The following LIN7A variants were observed in gnomAD, a reference collection of about 807,000 sequenced individuals.
The protein encoded by LIN7A is lin-7 cell polarity scaffold A.
A neutral mutation model predicts 29.8 loss-of-function variants in LIN7A; 25 were observed. That is an observed-to-expected ratio of 0.84 (90% CI 0.61 to 1.17). LIN7A has a LOEUF of 1.17. Among genes scored for constraint, LIN7A ranks in the 50% most tolerant of loss-of-function variants. The pLI is 0.00. For missense variants in LIN7A, 239 were observed against 287.0 expected, an observed-to-expected ratio of 0.83 and a Z score of 1.21; for synonymous variants, 118 against 107.5, an observed-to-expected ratio of 1.10 and a Z score of -0.60.
intron 1 of LIN7A, among the ~76,000 whole-genome samples, chr12:80,929,275 A>G (rs1451537520): frequency 6.6e-6 from 1 of 152,192 alleles, no homozygotes; most frequent in Non-Finnish European, 1.5e-5. Context: ...ATTTGATTCA[A>G]TCTAATAAAT....
At chr12:80,931,641 GAAA>G (rs796841053) in intron 1 of LIN7A, among the ~76,000 whole-genome samples, 39 of 104,888 alleles carry the variant, frequency 3.7e-4, no homozygotes, top group African/African-American at 8.4e-4. Context: ...CTGTCAAAAA[GAAA>G]AAAAAAAAAA....
At chr12:80,830,960 G>A (rs973382049) in intron 4 of LIN7A, among the ~76,000 whole-genome samples, 5 of 151,994 alleles carry the variant, frequency 3.3e-5, no homozygotes, top group African/African-American at 1.2e-4. Context: ...GCCTCCTTAC[G>A]CTGTACTGAT....
At chr12:80,857,828 G>A (rs1266074880) in intron 2 of LIN7A, among the ~76,000 whole-genome samples, 1 of 152,116 alleles carries the variant, frequency 6.6e-6, no homozygotes, top group Non-Finnish European at 1.5e-5. Flanking sequence ...CAAAGAAACT[G>A]GGCCTTTTTC....
chr12:80,919,580 C>T (rs893093533), intron 1 of LIN7A, among the ~76,000 whole-genome samples: 13 of 152,094 alleles, frequency 8.5e-5, no homozygotes, highest in African/African-American at 2.2e-4. Flanking sequence ...GGTGTAGACC[C>T]ATTACAACGG....
At chr12:80,876,106 C>CAGAGAGACAGAG (rs1874688095) in intron 2 of LIN7A, among the ~76,000 whole-genome samples, 1 of 142,566 alleles carries the variant, frequency 7.0e-6, no homozygotes, top group Non-Finnish European at 1.6e-5. Flanking sequence ...GAGAGACAGA[C>CAGAGAGACAGAG]AGAGAGACAG....
intron 4 of LIN7A, among the ~76,000 whole-genome samples, chr12:80,822,562 G>C (rs540247224): frequency 1.3e-5 from 2 of 152,158 alleles, no homozygotes; most frequent in South Asian, 2.1e-4. Flanking sequence ...TATCACACAA[G>C]CACACAAAAT....
At chr12:80,878,633 G>A (rs138472189) in intron 2 of LIN7A, among the ~76,000 whole-genome samples, 30 of 152,250 alleles carry the variant, frequency 2.0e-4, no homozygotes, top group East Asian at 1.9e-4. Context: ...TGCTGTTGGC[G>A]GACGTGGCCA....
At chr12:80,800,636 GA>G (rs1870678432) in intron 5 of LIN7A, among the ~76,000 whole-genome samples, 1 of 151,772 alleles carries the variant, frequency 6.6e-6, no homozygotes, top group South Asian at 2.1e-4. Context: ...ACCCGACCCT[GA>G]TAGGTTCACT....
chr12:80,813,501 C>A (rs1179604946), intron 4 of LIN7A, among the ~76,000 whole-genome samples: 1 of 152,014 alleles, frequency 6.6e-6, no homozygotes, highest in Non-Finnish European at 1.5e-5. Flanking sequence ...TAAGAAAAAT[C>A]TATTCAGGAT....
At chr12:80,850,881 C>A (rs1444268994) in intron 2 of LIN7A, among the ~76,000 whole-genome samples, 3 of 152,048 alleles carry the variant, frequency 2.0e-5, no homozygotes, top group Non-Finnish European at 1.5e-5. Flanking sequence ...TCACCATGGG[C>A]CAAATGTAAT....
At chr12:80,842,629 A>AT (rs56822708) in intron 4 of LIN7A, among the ~76,000 whole-genome samples, 59,476 of 151,122 alleles carry the variant, frequency 0.39, 11,816 homozygotes, top group Non-Finnish European at 0.42. Flanking sequence ...TCCATTACAG[A>AT]TTTTTTTTTC....
intron 3 of LIN7A, 27 bp from the exon 4 acceptor site, chr12:80,845,966 T>A: frequency 6.4e-7 from 1 of 1,557,212 alleles, no homozygotes; most frequent in Non-Finnish European, 8.7e-7. Context: ...AAGATGGTCT[T>A]TTGGTAATAA....
chr12:80,903,048 C>T (rs1481292735), intron 1 of LIN7A, among the ~76,000 whole-genome samples: 1 of 150,140 alleles, frequency 6.7e-6, no homozygotes, highest in African/African-American at 2.4e-5. Flanking sequence ...ATCTAGTCAA[C>T]AAACATTGAA....
intron 5 of LIN7A, among the ~76,000 whole-genome samples, chr12:80,803,198 A>T (rs1870803404): frequency 6.6e-6 from 1 of 152,140 alleles, no homozygotes; most frequent in Non-Finnish European, 1.5e-5. Flanking sequence ...TATCCAATAA[A>T]TCTTTGCCCA....
At chr12:80,843,757 T>C (rs1794546693) in intron 4 of LIN7A, among the ~76,000 whole-genome samples, 1 of 152,152 alleles carries the variant, frequency 6.6e-6, no homozygotes, top group Non-Finnish European at 1.5e-5. Flanking sequence ...GTTTAGGGGA[T>C]ACTAATCCAT....
intron 4 of LIN7A, among the ~76,000 whole-genome samples, chr12:80,823,841 C>A (rs1440451480): frequency 2.0e-5 from 3 of 152,174 alleles, no homozygotes; most frequent in Non-Finnish European, 4.4e-5. Context: ...AATAGTGACA[C>A]AACCTATCAA....
Position 80,892,166 on chromosome 12 carries a change from T to C in LIN7A, c.83-2797A>G, listed in dbSNP as rs11114646. 2.3e-3 allele frequency among the ~76,000 whole-genome samples: 354 copies of C among 152,338 alleles called. 16 individuals are homozygous for C. In the East Asian group the frequency reaches 0.061, roughly 26 times the overall value. ...CTTTATCTCTGTGAATGTATACAAT[T>C]CTTCAGATGTCAGAAACAAAATATC... On this transcript the variant is annotated intron_variant, in intron 1 of 5. Coordinates refer to ENST00000552864, the MANE Select transcript of LIN7A (RefSeq NM_004664.4).
At chr12:80,871,036 A>C (rs1874404860) in intron 2 of LIN7A, among the ~76,000 whole-genome samples, 1 of 152,236 alleles carries the variant, frequency 6.6e-6, no homozygotes, top group Non-Finnish European at 1.5e-5. Flanking sequence ...CTAAGCCCCA[A>C]GGTCATAAAA....
intron 2 of LIN7A, chr12:80,861,548 G>T (rs1339331230): frequency 1.3e-5 from 2 of 152,290 alleles, no homozygotes; most frequent in Admixed American, 1.3e-4. Context: ...TTTTCTTCAG[G>T]AAGGTTTAGT....
Sources: gnomAD v4.1 joint callset for allele counts (sites outside exome capture counted in the v4.1 genomes callset) on GRCh38, gnomAD v4.1.1 for gene constraint, MANE v1.5 for transcripts, NCBI Gene and HGNC (gene_info 2026-07-23, HGNC 2026-07-21) for gene names.